The following ECI2 variants were observed in gnomAD, a reference collection of about 807,000 sequenced individuals.
The protein encoded by ECI2 is D3,D2-enoyl-CoA isomerase.
In ECI2, 27 loss-of-function variants were observed where a neutral mutation model predicts 38.4. The ratio of observed to expected loss-of-function variants is 0.70; its 90% CI spans 0.52 to 0.97. The LOEUF (loss-of-function observed/expected upper bound fraction) is 0.97, where lower values mean the gene tolerates loss of function less well. Ranked by LOEUF, ECI2 falls within the 50% of genes least tolerant of loss-of-function variation. ECI2 has a pLI of 0.00. For missense variants in ECI2, 470 were observed against 474.4 expected, an observed-to-expected ratio of 0.99 and a Z score of 0.09; for synonymous variants, 168 against 172.0, an observed-to-expected ratio of 0.98 and a Z score of 0.18.
rs768824432 is a variant in ECI2 at position 4,126,122 on chromosome 6, C to T, written c.674+13G>A. The T allele has an allele frequency of 7.5e-6, 12 of 1,606,008 alleles. No individual in the cohort carries two copies. The highest frequency in any genetic ancestry group is 5.4e-5 in the African/African-American group (4 of 74,708). ...GGGCCCTCTGGGATCAGACAAAGGTCAGTAACTCTTACCTCAGTAAAACGG... is the reference window on the plus strand; with the variant it reads ...GGGCCCTCTGGGATCAGACAAAGGTTAGTAACTCTTACCTCAGTAAAACGG... On this transcript the variant is annotated intron_variant, in intron 6 of 9. Transcript: ENST00000380118.
intron 2 of ECI2, among the ~76,000 whole-genome samples, chr6:4,131,320 C>T (rs1581995013): frequency 6.6e-6 from 1 of 151,902 alleles, no homozygotes. Context: ...ACCTGGGTAA[C>T]AAAACTGTAG....
chr6:4,126,258 A>T, intron 5 of ECI2, 21 bp from the exon 6 acceptor site: 1 of 1,585,260 alleles, frequency 6.3e-7, no homozygotes, highest in Non-Finnish European at 8.6e-7. Context: ...GAAAATCAAC[A>T]GATCCCTCAT....
chr6:4,116,810 T>C (rs1772309624), intron 9 of ECI2, among the ~76,000 whole-genome samples: 1 of 152,226 alleles, frequency 6.6e-6, no homozygotes, highest in Non-Finnish European at 1.5e-5. Context: ...TCAGTGTGCA[T>C]ATAAATCGCT....
chr6:4,129,753 T>G (rs564121622), intron 4 of ECI2, among the ~76,000 whole-genome samples: 1 of 152,326 alleles, frequency 6.6e-6, no homozygotes, highest in Admixed American at 6.5e-5. Flanking sequence ...ATTGACCCAA[T>G]GGTCATAGTC....
intron 5 of ECI2, among the ~76,000 whole-genome samples, chr6:4,127,110 A>G (rs1773211741): frequency 1.3e-5 from 2 of 152,354 alleles, no homozygotes; most frequent in Middle Eastern, 3.4e-3. Flanking sequence ...ACTGTGTTTT[A>G]AAGATGCATC....
At chr6:4,130,293 T>G in intron 4 of ECI2, 79 bp downstream of exon 4, 3 of 1,613,612 alleles carry the variant, frequency 1.9e-6, no homozygotes, top group Non-Finnish European at 2.5e-6. Context: ...GGAATGATGC[T>G]GAAACTCTAC....
intron 4 of ECI2, chr6:4,130,078 T>G: frequency 1.9e-6 from 3 of 1,601,264 alleles, no homozygotes; most frequent in Non-Finnish European, 1.7e-6. Flanking sequence ...AGATGGCTTC[T>G]ATGCAAATTC....
In ECI2 at chr6:4,130,881, G is replaced by A; in HGVS notation, c.214-16C>T. 5 of 1,611,224 alleles carry A rather than the reference G, an allele frequency of 3.1e-6. No homozygotes were observed. Among genetic ancestry groups the A allele is most frequent in the Non-Finnish European group, 4.2e-6 (5 of 1,178,394 alleles). The stretch of plus-strand genomic sequence containing the variant: ...CTTCAGTGGCCTGTGAAAAGGAGAG[G>A]GGCAATATGTTCAAATGTCCATGTA... On this transcript the variant is annotated splice_polypyrimidine_tract_variant and intron_variant, in intron 2 of 9. Coordinates refer to ENST00000380118, the MANE Select transcript of ECI2 (RefSeq NM_206836.3).
rs1772494921 is a variant in ECI2 at position 4,119,187 on chromosome 6, T to G, written c.884A>C (p.Lys295Thr). The change falls in exon 8 of 10, where the codon AAG becomes ACG. Residue 295 changes from lysine (K) to threonine (T), a missense_variant and splice_region_variant. By Grantham distance (78) the Lys-to-Thr change is moderately conservative. Coordinates refer to ENST00000380118, the MANE Select transcript of ECI2 (RefSeq NM_206836.3). ...ATATTTAAACATTCCAAAAGTTACC[T>G]TGGCTGGGCTCATTATCTTCGGAAA... ...YTFPKIMSPA[K>T]ATEMLIFGKK... is the part of the protein sequence containing the mutation. 2.5e-6 allele frequency: 4 copies of G among 1,610,848 alleles called. No individual in the cohort carries two copies. Among genetic ancestry groups the G allele is most frequent in the Non-Finnish European group, 3.4e-6 (4 of 1,178,890 alleles).
At chr6:4,128,714 C>T (rs1460820780) in intron 4 of ECI2, among the ~76,000 whole-genome samples, 1 of 152,148 alleles carries the variant, frequency 6.6e-6, no homozygotes, top group Non-Finnish European at 1.5e-5. Context: ...AGTATAACAA[C>T]AATTTAATAT....
intron 7 of ECI2, chr6:4,125,031 G>T: frequency 1.4e-6 from 1 of 719,548 alleles, no homozygotes; most frequent in Non-Finnish European, 2.4e-6. Context: ...ATCCGGAACA[G>T]TCAGAGTTGG....
At chr6:4,118,116 C>T (rs1772403086) in intron 8 of ECI2, 1 of 152,298 alleles carries the variant, frequency 6.6e-6, no homozygotes, top group African/African-American at 2.4e-5. Flanking sequence ...CTGTAACCTC[C>T]ACCTCCTGGG....
chr6:4,119,313 T>C (rs1318765620), intron 7 of ECI2, 38 bp from the exon 8 acceptor site: 5 of 1,476,718 alleles, frequency 3.4e-6, no homozygotes, highest in Non-Finnish European at 4.6e-6. Flanking sequence ...CATCTTTTCA[T>C]GTGTGATTTT....
intron 8 of ECI2, chr6:4,118,854 G>T: frequency 5.3e-6 from 1 of 188,374 alleles, no homozygotes; most frequent in Non-Finnish European, 1.1e-5. Flanking sequence ...AGGGAGGCTG[G>T]CACAGCCCTG....
Position 4,130,423 on chromosome 6 carries a change from G to A in ECI2, c.450C>T (p.Ile150=). Reference sequence around the variant, plus strand: ...TGGGCCGGTTGAACATGATCTTTGTGATGCCATCTTCGGAGGTCACCACCA... The same window carrying A: ...TGGGCCGGTTGAACATGATCTTTGTAATGCCATCTTCGGAGGTCACCACCA... ...ETLVVTSEDG[I]TKIMFNRPKK... Residue 150 remains isoleucine (I), a synonymous_variant, in exon 4 of 10, where the codon ATC becomes ATT. Transcript: ENST00000380118. The A allele has an allele frequency of 6.2e-7, 1 of 1,614,202 alleles. No individual in the cohort carries two copies. Among genetic ancestry groups the A allele is most frequent in the Non-Finnish European group, 8.5e-7 (1 of 1,180,046 alleles).
chr6:4,134,876 G>T (rs1773653941), intron 1 of ECI2, among the ~76,000 whole-genome samples: 1 of 152,042 alleles, frequency 6.6e-6, no homozygotes, highest in African/African-American at 2.4e-5. Flanking sequence ...GCAAAAACAC[G>T]ACCATTTAAG....
At chr6:4,121,855 A>ATGC (rs1190314243) in intron 7 of ECI2, 14 of 537,272 alleles carry the variant, frequency 2.6e-5, no homozygotes, top group African/African-American at 2.5e-4. Flanking sequence ...TAGAAGATAT[A>ATGC]AATCTATAAC....
intron 7 of ECI2, chr6:4,125,002 A>G (rs1430416527): frequency 1.6e-6 from 1 of 610,278 alleles, no homozygotes; most frequent in Non-Finnish European, 3.0e-6. Context: ...CTGTATACCT[A>G]TTGTGGAATT....
chr6:4,128,685 A>G (rs1384935092), intron 4 of ECI2, among the ~76,000 whole-genome samples: 1 of 152,214 alleles, frequency 6.6e-6, no homozygotes, highest in African/African-American at 2.4e-5. Flanking sequence ...TTCTCTTATC[A>G]TTAGTCCCTA....
Sources: allele counts gnomAD v4.1 joint callset (sites outside exome capture counted in the v4.1 genomes callset), GRCh38; gene constraint gnomAD v4.1.1; transcripts MANE v1.5; gene names NCBI Gene and HGNC (gene_info 2026-07-23, HGNC 2026-07-21).